Variants in IL1R2 observed in about 807,000 individuals in gnomAD.
The protein encoded by IL1R2 is interleukin 1 receptor type 2, also known as interleukin-1 receptor type 2.
IL1R2 carries 46 observed loss-of-function variants against 39.5 expected under a neutral mutation model. The ratio of observed to expected loss-of-function variants is 1.16; its 90% CI spans 0.92 to 1.49. The LOEUF (loss-of-function observed/expected upper bound fraction) is 1.49. Among genes scored for constraint, IL1R2 ranks in the 40% most tolerant of loss-of-function variants. The probability of loss-of-function intolerance (pLI) is 0.00; values close to 1 mark genes in which losing one functional copy is unlikely to be tolerated. For missense variants in IL1R2, 537 were observed against 502.0 expected (o/e 1.07, Z -0.67); for synonymous variants, 207 against 189.6 (o/e 1.09, Z -0.75).
chr2:102,020,792 C>T (rs200381224), intron 5 of IL1R2, among the ~76,000 whole-genome samples: 1 of 152,172 alleles, frequency 6.6e-6, no homozygotes, highest in African/African-American at 2.4e-5. Flanking sequence ...TGCATGAACA[C>T]TAGGGGGCAG....
rs780167021 is a variant in IL1R2, at chr2:102,024,560, T to G, written c.779T>G (p.Val260Gly). The G allele has an allele frequency of 2.5e-6, 4 of 1,613,774 alleles. No homozygotes were observed. Among genetic ancestry groups the G allele is most frequent in the Non-Finnish European group, 1.7e-6 (2 of 1,179,936 alleles). Reference protein sequence around the residue: ...LGSRLTIPCKVFLGTGTPLTT... With the variant: ...LGSRLTIPCKGFLGTGTPLTT... ...TCAAGACTGACAATCCCGTGTAAGG[T>G]GTTTCTGGGAACCGGCACACCCTTA... The change falls in exon 7 of 9, where the codon GTG becomes GGG. Residue 260 changes from valine to glycine, a missense_variant. Physicochemically the swap from Val to Gly is moderately radical, Grantham distance 109. Transcript: ENST00000332549.
chr2:101,994,547 G>T (rs532004645), intron 1 of IL1R2, among the ~76,000 whole-genome samples: 86 of 152,342 alleles, frequency 5.6e-4, no homozygotes, highest in Non-Finnish European at 1.1e-3. Context: ...GTAAGTCCTG[G>T]TTGGCGACCT....
intron 3 of IL1R2, among the ~76,000 whole-genome samples, chr2:102,013,524 C>CAAAAAAAAAAA (rs771727938): frequency 8.8e-4 from 5 of 5,686 alleles, no homozygotes; most frequent in Admixed American, 5.5e-3. Context: ...TCTATCACTG[C>CAAAAAAAAAAA]AAAAAAAAAA....
At chr2:102,024,226 G>A (rs1236837194) in intron 6 of IL1R2, among the ~76,000 whole-genome samples, 2 of 152,098 alleles carry the variant, frequency 1.3e-5, no homozygotes, top group East Asian at 3.9e-4. Flanking sequence ...TGAAGTGAGG[G>A]GCAGAGGAAG....
intron 4 of IL1R2, chr2:102,016,291 A>G (rs1676998560): frequency 2.8e-6 from 1 of 355,462 alleles, no homozygotes; most frequent in Non-Finnish European, 5.2e-6. Context: ...TACAAATAAG[A>G]AACCAACACA....
At position 102,009,755 on chromosome 2, in the gene IL1R2, G is replaced by A; in HGVS notation, c.261G>A (p.Trp87Ter). Reference protein sequence around the residue: ...TVPGEEETRMWAQDGALWLLP... With the variant: ...TVPGEEETRM ...CAGGAGAAGAAGAGACACGGATGTG[G>A]GCCCAGGACGGTGCTCTGTGGCTTC... Residue 87 changes from tryptophan (W) to a stop codon, truncating the protein, a stop_gained, in exon 3 of 9, where the codon TGG (tryptophan) becomes TGA (stop). Coordinates refer to ENST00000332549, the MANE Select transcript of IL1R2 (RefSeq NM_004633.4). LOFTEE classifies it high-confidence loss of function. 6.2e-7 allele frequency: 1 copy of A among 1,614,174 alleles called. No individual in the cohort carries two copies. Among genetic ancestry groups the A allele is most frequent in the Non-Finnish European group, 8.5e-7 (1 of 1,180,026 alleles).
At chr2:102,016,090 T>C (rs1174595769) in intron 4 of IL1R2, 39 bp downstream of exon 4, 1 of 1,531,000 alleles carries the variant, frequency 6.5e-7, no homozygotes, top group East Asian at 2.3e-5. Flanking sequence ...AAAATGTGTT[T>C]TCTTTTTTTA....
intron 3 of IL1R2, among the ~76,000 whole-genome samples, chr2:102,014,416 G>A (rs142769143): frequency 6.6e-6 from 1 of 152,302 alleles, no homozygotes; most frequent in Non-Finnish European, 1.5e-5. Context: ...ACTCAAGTAG[G>A]CCCAGGTCTT....
chr2:102,011,597 A>G (rs1676640309), intron 3 of IL1R2, among the ~76,000 whole-genome samples: 1 of 152,090 alleles, frequency 6.6e-6, no homozygotes, highest in Non-Finnish European at 1.5e-5. Flanking sequence ...TAAAAACTGC[A>G]TTTTGCTGTT....
intron 1 of IL1R2, among the ~76,000 whole-genome samples, chr2:102,003,776 G>A (rs1286745637): frequency 1.4e-5 from 2 of 139,986 alleles, no homozygotes; most frequent in Non-Finnish European, 3.0e-5. Flanking sequence ...CTATGTCTAC[G>A]TGTATATCTC....
chr2:102,019,930 C>T, intron 5 of IL1R2, 118 bp downstream of exon 5: 1 of 775,880 alleles, frequency 1.3e-6, no homozygotes, highest in Non-Finnish European at 2.1e-6. Context: ...TAACGGAAAA[C>T]AGATCCATCA....
At chr2:101,993,142 G>T (rs1447056899) in intron 1 of IL1R2, among the ~76,000 whole-genome samples, 1 of 152,038 alleles carries the variant, frequency 6.6e-6, no homozygotes, top group African/African-American at 2.4e-5. Flanking sequence ...AGATTTTCTG[G>T]TGTGAAAAGC....
chr2:102,021,594 G>A (rs989021863), intron 5 of IL1R2, among the ~76,000 whole-genome samples: 15 of 152,184 alleles, frequency 9.9e-5, no homozygotes, highest in East Asian at 1.9e-4. Context: ...GATTACAGGC[G>A]TGAGCCACTG....
At chr2:102,009,982 A>G in intron 3 of IL1R2, 156 bp downstream of exon 3, 2 of 788,190 alleles carry the variant, frequency 2.5e-6, no homozygotes, top group South Asian at 3.5e-5. Context: ...CACCCCCCCC[A>G]ACCCTACAGT....
intron 7 of IL1R2, among the ~76,000 whole-genome samples, chr2:102,024,987 T>TCTGCAAC (rs774500976): frequency 8.5e-5 from 13 of 152,204 alleles, no homozygotes; most frequent in Non-Finnish European, 1.8e-4. Flanking sequence ...CATTTTCCAC[T>TCTGCAAC]CTGCAACCTG....
intron 1 of IL1R2, among the ~76,000 whole-genome samples, chr2:101,994,212 C>A (rs934908945): frequency 6.6e-6 from 1 of 152,112 alleles, no homozygotes; most frequent in Non-Finnish European, 1.5e-5. Flanking sequence ...AGCCTCCTAC[C>A]CGGCCCTGCT....
In IL1R2 at chr2:102,009,709, A is replaced by T. The variant is rs751982105; in HGVS notation, c.215A>T (p.Asn72Ile). The change falls in exon 3 of 9, where the codon AAT (asparagine) becomes ATT (isoleucine). Residue 72 changes from asparagine (N) to isoleucine (I), a missense_variant. Asn to Ile is a moderately radical substitution (Grantham distance 149). Transcript: ENST00000332549. ...CGCATCAACCTGACATGGCATAAAA[A>T]TGACTCTGCTAGGACGGTCCCAGGA... ...SPRINLTWHKNDSARTVPGEE... is the reference protein window; with the variant it reads ...SPRINLTWHKIDSARTVPGEE... 1 of 1,614,200 alleles carries T rather than the reference A, an allele frequency of 6.2e-7. No individual in the cohort carries two copies. Among genetic ancestry groups the T allele is most frequent in the Non-Finnish European group, 8.5e-7 (1 of 1,180,044 alleles).
intron 3 of IL1R2, among the ~76,000 whole-genome samples, chr2:102,013,554 G>GAAAAAAAAAAAAAAAAAAAAAAAAA (rs1577711343): frequency 3.2e-5 from 1 of 31,676 alleles, no homozygotes; most frequent in Non-Finnish European, 5.8e-5. Context: ...AAAAAAAAAG[G>GAAAAAAAAAAAAAAAAAAAAAAAAA]AAAGAAAGAA....
chr2:102,001,817 G>A (rs1210297836), intron 1 of IL1R2, among the ~76,000 whole-genome samples: 1 of 152,034 alleles, frequency 6.6e-6, no homozygotes, highest in Non-Finnish European at 1.5e-5. Context: ...TTCCTCATGG[G>A]TTTCAAAGAA....
Sources: gnomAD v4.1 joint callset for allele counts (sites outside exome capture counted in the v4.1 genomes callset) on GRCh38, gnomAD v4.1.1 for gene constraint, MANE v1.5 for transcripts, NCBI Gene and HGNC (gene_info 2026-07-23, HGNC 2026-07-21) for gene names.